GLIPR1L1: variants seen among roughly 807,000 people sequenced by gnomAD.
The protein encoded by GLIPR1L1 is GLIPR1 like 1.
GLIPR1L1 carries 26 observed loss-of-function variants against 29.9 expected under a neutral mutation model. The ratio of observed to expected loss-of-function variants is 0.87; its 90% CI spans 0.64 to 1.21. The LOEUF (loss-of-function observed/expected upper bound fraction) is 1.21, where lower values mean the gene tolerates loss of function less well. Ranked by LOEUF, GLIPR1L1 falls within the 50% of genes most tolerant of loss-of-function variation. GLIPR1L1 has a pLI of 0.00. For synonymous variants in GLIPR1L1, 77 were observed against 97.5 expected (o/e 0.79, Z 1.24); for missense variants, 305 against 290.3 (o/e 1.05, Z -0.37).
rs541026161 is a variant in GLIPR1L1, at chr12:75,345,401, G to A, written c.420+1463G>A. Among the ~76,000 whole-genome samples the A allele has an allele frequency of 3.9e-5, 6 of 152,016 alleles. No homozygotes were observed. The East Asian group carries it at 1.2e-3, about 29-fold the overall frequency. ...AGTGTGTCTAAAATTCACCTTTTGGGCCATACTTTAATCCTAGACATGGTA... is the reference window on the plus strand; with the variant it reads ...AGTGTGTCTAAAATTCACCTTTTGGACCATACTTTAATCCTAGACATGGTA... On this transcript the variant is annotated intron_variant, in intron 2 of 5. Transcript: ENST00000378695.
At chr12:75,342,898 A>C (rs770597079) in intron 1 of GLIPR1L1, among the ~76,000 whole-genome samples, 4 of 152,010 alleles carry the variant, frequency 2.6e-5, no homozygotes, top group African/African-American at 4.8e-5. Flanking sequence ...TCACTTATTA[A>C]ATTTATTTAT....
At chr12:75,355,693 C>T (rs541283562) in intron 3 of GLIPR1L1, among the ~76,000 whole-genome samples, 1 of 152,214 alleles carries the variant, frequency 6.6e-6, no homozygotes, top group African/African-American at 2.4e-5. Context: ...TTCAGCGCAG[C>T]ACTATTTATA....
chr12:75,342,840 C>T (rs149606165), intron 1 of GLIPR1L1, among the ~76,000 whole-genome samples: 1,628 of 152,074 alleles, frequency 0.011, 20 homozygotes, highest in African/African-American at 0.032. Flanking sequence ...TCTTTTACAA[C>T]TTCTTTCAGT....
At chr12:75,340,869 C>A (rs1411988672) in intron 1 of GLIPR1L1, among the ~76,000 whole-genome samples, 2 of 150,964 alleles carry the variant, frequency 1.3e-5, no homozygotes, top group Non-Finnish European at 3.0e-5. Context: ...AAATTAAAAC[C>A]ACAAGGACAT....
intron 4 of GLIPR1L1, chr12:75,369,561 T>G (rs747966727): frequency 1.0e-6 from 1 of 983,932 alleles, no homozygotes; most frequent in Non-Finnish European, 1.2e-6. Flanking sequence ...CGAGAAATAT[T>G]TGGAGTAAGG....
intron 2 of GLIPR1L1, among the ~76,000 whole-genome samples, chr12:75,346,459 CA>C (rs2042455019): frequency 6.6e-6 from 1 of 151,864 alleles, no homozygotes; most frequent in South Asian, 2.1e-4. Context: ...GGCGTGATCT[CA>C]ACTCACTGCA....
chr12:75,363,140 A>C lies in GLIPR1L1; in HGVS notation c.560A>C (p.Glu187Ala), dbSNP rs757536059. ...FANMPPYVRG[E>A]SCSLCSKEEK... The stretch of plus-strand genomic sequence containing the variant: ...AATATGCCTCCTTACGTAAGAGGAG[A>C]ATCTTGCTCTCTCTGCTCAAAAGAA... The change falls in exon 4 of 6, where the codon GAA (glutamate) becomes GCA (alanine). Residue 187 changes from glutamate (E) to alanine (A), a missense_variant. By Grantham distance (107) the Glu-to-Ala change is moderately radical. Transcript: ENST00000378695. 14 of 1,558,114 alleles carry C rather than the reference A, an allele frequency of 9.0e-6. No individual in the cohort carries two copies. The highest frequency in any genetic ancestry group is 2.1e-5 in the Admixed American group (1 of 48,306).
Position 75,343,932 on chromosome 12 carries a change from T to C in GLIPR1L1, c.414T>C (p.Tyr138=), listed in dbSNP as rs771586842. ...CATGCTCCAGAGTCTGTGGCCATTA[T>C]ACACAGGTAAATATTTGACATCTTT... ...SLSCSRVCGH[Y]TQLVWANSFY... The change falls in exon 2 of 6, where the codon TAT becomes TAC. Residue 138 remains tyrosine (Y), a synonymous_variant. Coordinates refer to ENST00000378695, the MANE Select transcript of GLIPR1L1 (RefSeq NM_001304964.2). 2 of 1,605,744 alleles carry C rather than the reference T, an allele frequency of 1.2e-6. No homozygotes were observed. The highest frequency in any genetic ancestry group is 4.5e-5 in the East Asian group (2 of 44,742).
chr12:75,343,322 G>A (rs1401657245), intron 1 of GLIPR1L1, among the ~76,000 whole-genome samples: 1 of 151,368 alleles, frequency 6.6e-6, no homozygotes, highest in African/African-American at 2.4e-5. Flanking sequence ...CTAGTTTTTT[G>A]CCCTTTTTAA....
At chr12:75,355,762 T>C (rs974286360) in intron 3 of GLIPR1L1, among the ~76,000 whole-genome samples, 1 of 152,032 alleles carries the variant, frequency 6.6e-6, no homozygotes, top group African/African-American at 2.4e-5. Flanking sequence ...ATAAAGAAAA[T>C]GTGGTACATA....
rs552594261 is a variant in GLIPR1L1 at position 75,350,728 on chromosome 12, T to C, written c.521+3006T>C. Among the ~76,000 whole-genome samples the C allele has an allele frequency of 3.6e-4, 55 of 152,246 alleles. 1 individual carries two copies. Among genetic ancestry groups the C allele is most frequent in the Admixed American group, 3.3e-3 (51 of 15,292 alleles). On this transcript the variant is annotated intron_variant, in intron 3 of 5. Coordinates refer to ENST00000378695, the MANE Select transcript of GLIPR1L1 (RefSeq NM_001304964.2). The stretch of plus-strand genomic sequence containing the variant: ...CAAAGATCAAAGGTAGATAAACCCT[T>C]GAAGATGAGAAAGAATCAACGCAAA...
intron 1 of GLIPR1L1, among the ~76,000 whole-genome samples, chr12:75,341,747 CTTTTTTT>C (rs1185408752): frequency 2.5e-4 from 21 of 83,404 alleles, no homozygotes; most frequent in Middle Eastern, 0.011. Flanking sequence ...CGCCCGGCCT[CTTTTTTT>C]TTTTTTTTTT....
chr12:75,360,671 T>C (rs771522008), intron 3 of GLIPR1L1: 19 of 152,208 alleles, frequency 1.2e-4, no homozygotes, highest in Non-Finnish European at 2.5e-4. Context: ...ATGGTGCAAG[T>C]TGTCATTTGA....
intron 1 of GLIPR1L1, among the ~76,000 whole-genome samples, chr12:75,341,229 A>T (rs965320136): frequency 6.6e-6 from 1 of 152,150 alleles, no homozygotes; most frequent in African/African-American, 2.4e-5. Flanking sequence ...ACATGTTTGT[A>T]ATAGCTCAAA....
chr12:75,340,104 G>A (rs111891166), intron 1 of GLIPR1L1, among the ~76,000 whole-genome samples: 46,104 of 150,664 alleles, frequency 0.31, 8,025 homozygotes, highest in East Asian at 0.45. Flanking sequence ...TGGCTGAGTC[G>A]TATTCCATTA....
rs780890451 is a variant in GLIPR1L1 at position 75,351,758 on chromosome 12, C to T, written c.521+4036C>T. 1.5e-3 allele frequency among the ~76,000 whole-genome samples: 228 copies of T among 152,096 alleles called. 3 individuals carry two copies. Among genetic ancestry groups the T allele is most frequent in the Non-Finnish European group, 4.7e-4 (32 of 67,956 alleles). Reference sequence around the variant, plus strand: ...GACGGGGTTTTGCCATGTTGGCCAGCCTGGTCTCGAACTCCTGACCTCAGG... The same window carrying T: ...GACGGGGTTTTGCCATGTTGGCCAGTCTGGTCTCGAACTCCTGACCTCAGG... On this transcript the variant is annotated intron_variant, in intron 3 of 5. Coordinates refer to ENST00000378695, the MANE Select transcript of GLIPR1L1 (RefSeq NM_001304964.2).
At chr12:75,363,575 AAACT>A (rs2139624884) in intron 4 of GLIPR1L1, among the ~76,000 whole-genome samples, 2 of 152,312 alleles carry the variant, frequency 1.3e-5, no homozygotes, top group Admixed American at 1.3e-4. Context: ...TTATGATTTA[AAACT>A]AACATGTTTC....
intron 4 of GLIPR1L1, among the ~76,000 whole-genome samples, chr12:75,366,639 G>C (rs1029739443): frequency 2.7e-4 from 40 of 147,038 alleles, no homozygotes; most frequent in African/African-American, 9.8e-4. Flanking sequence ...TCAGATTGTT[G>C]CCTACTTTTT....
intron 1 of GLIPR1L1, among the ~76,000 whole-genome samples, chr12:75,337,012 G>C (rs999820633): frequency 2.6e-5 from 4 of 151,654 alleles, no homozygotes. Flanking sequence ...TGGTCCATAA[G>C]TTAAAGAATA....
Sources: allele counts gnomAD v4.1 joint callset (sites outside exome capture counted in the v4.1 genomes callset), GRCh38; gene constraint gnomAD v4.1.1; transcripts MANE v1.5; gene names NCBI Gene and HGNC (gene_info 2026-07-23, HGNC 2026-07-21).